Variants in EPHA6 observed in about 807,000 individuals in gnomAD.
EPHA6 encodes the protein EPH receptor A6, also known as ephrin type-A receptor 6.
A neutral mutation model predicts 112.0 loss-of-function variants in EPHA6; 50 were observed. The ratio of observed to expected loss-of-function variants is 0.45; its 90% confidence interval spans 0.36 to 0.56. EPHA6 has a LOEUF of 0.56. Among genes scored for constraint, EPHA6 ranks in the 20% least tolerant of loss-of-function variants. The pLI, the probability that EPHA6 is intolerant of heterozygous loss-of-function variation, is 0.00. For missense variants in EPHA6, 1,280 were observed against 1,417.4 expected (o/e 0.90, Z 1.56); for synonymous variants, 529 against 490.7 (o/e 1.08, Z -1.03).
chr3:97,284,535 A>C (rs2108672361), intron 5 of EPHA6, among the ~76,000 whole-genome samples: 1 of 152,210 alleles, frequency 6.6e-6, no homozygotes. Context: ...GCTTGTTACT[A>C]CCTCTACTCC....
chr3:96,941,814 A>C (rs945524779), intron 2 of EPHA6, among the ~76,000 whole-genome samples: 1 of 152,080 alleles, frequency 6.6e-6, no homozygotes, highest in Non-Finnish European at 1.5e-5. Flanking sequence ...TTTCCTTCCA[A>C]CAGACTGGAC....
At chr3:96,872,516 G>C (rs1245545306) in intron 2 of EPHA6, among the ~76,000 whole-genome samples, 2 of 152,068 alleles carry the variant, frequency 1.3e-5, no homozygotes, top group Non-Finnish European at 2.9e-5. Context: ...TGCAAGGTAA[G>C]TCTGCTGGCA....
chr3:97,426,206 C>G (rs2089108801), intron 6 of EPHA6, among the ~76,000 whole-genome samples: 1 of 152,118 alleles, frequency 6.6e-6, no homozygotes, highest in African/African-American at 2.4e-5. Context: ...AACACATAGC[C>G]AAGACTGGGT....
At chr3:96,866,575 C>A (rs1383280285) in intron 1 of EPHA6, among the ~76,000 whole-genome samples, 1 of 151,622 alleles carries the variant, frequency 6.6e-6, no homozygotes. Flanking sequence ...TTAATAATTT[C>A]ATTTAGCATT....
intron 11 of EPHA6, among the ~76,000 whole-genome samples, chr3:97,563,220 GCTGGAGA>G (rs1225488307): frequency 1.3e-5 from 2 of 152,158 alleles, no homozygotes; most frequent in Admixed American, 6.6e-5. Flanking sequence ...GAAGGTGAGG[GCTGGAGA>G]CTATTTGAAG....
chr3:97,437,133 A>G (rs1026485289), intron 6 of EPHA6, among the ~76,000 whole-genome samples: 39 of 152,048 alleles, frequency 2.6e-4, no homozygotes, highest in African/African-American at 8.7e-4. Flanking sequence ...TCTTTGTCCA[A>G]TGTGGCCAGG....
intron 3 of EPHA6, among the ~76,000 whole-genome samples, chr3:97,120,873 G>A (rs1178990758): frequency 6.6e-6 from 1 of 151,578 alleles, no homozygotes; most frequent in Non-Finnish European, 1.5e-5. Flanking sequence ...ATAAAATAAT[G>A]TTATAGTGTA....
At chr3:97,495,222 T>C (rs2091944855) in intron 10 of EPHA6, among the ~76,000 whole-genome samples, 1 of 151,716 alleles carries the variant, frequency 6.6e-6, no homozygotes, top group African/African-American at 2.4e-5. Context: ...TTGAGTGCAA[T>C]ATTATATTTT....
At chr3:97,522,766 G>A (rs557032385) in intron 10 of EPHA6, among the ~76,000 whole-genome samples, 20 of 151,948 alleles carry the variant, frequency 1.3e-4, no homozygotes, top group Non-Finnish European at 1.3e-4. Flanking sequence ...CTTTGTCCTC[G>A]TAGATTCCAT....
chr3:97,191,438 T>C (rs2077303239), intron 3 of EPHA6, among the ~76,000 whole-genome samples: 1 of 152,072 alleles, frequency 6.6e-6, no homozygotes, highest in Non-Finnish European at 1.5e-5. Flanking sequence ...AATATTTTTC[T>C]ACCCATTAAC....
chr3:97,652,535 T>A (rs2094114250), intron 14 of EPHA6, among the ~76,000 whole-genome samples: 1 of 152,192 alleles, frequency 6.6e-6, no homozygotes, highest in South Asian at 2.1e-4. Flanking sequence ...AGAAGTGAGA[T>A]GAGGAATTTA....
intron 11 of EPHA6, among the ~76,000 whole-genome samples, chr3:97,588,341 C>A (rs1385729841): frequency 1.3e-5 from 2 of 152,104 alleles, no homozygotes. Context: ...GCATGTATTT[C>A]AAATTTCCAA....
Position 97,469,606 on chromosome 3 carries a change from G to A in EPHA6, c.1895-5746G>A, listed in dbSNP as rs114290597. Reference sequence around the variant, plus strand: ...TTGGAGAGAATGAGAAAGAATCTAAGAAATACTTTAAAATTATAAGGGACA... The same window carrying A: ...TTGGAGAGAATGAGAAAGAATCTAAAAAATACTTTAAAATTATAAGGGACA... On this transcript the variant is annotated intron_variant, in intron 7 of 17. Transcript: ENST00000389672. 8.2e-3 allele frequency among the ~76,000 whole-genome samples: 1,243 copies of A among 151,712 alleles called. 14 individuals carry two copies. Among genetic ancestry groups the A allele is most frequent in the African/African-American group, 0.027 (1,106 of 41,424 alleles).
intron 6 of EPHA6, among the ~76,000 whole-genome samples, chr3:97,422,932 G>A (rs1559986843): frequency 6.6e-6 from 1 of 152,108 alleles, no homozygotes; most frequent in African/African-American, 2.4e-5. Flanking sequence ...GTGCAGAAAA[G>A]GCTTTCAGTA....
intron 2 of EPHA6, among the ~76,000 whole-genome samples, chr3:96,954,545 G>A (rs577642734): frequency 2.6e-5 from 4 of 151,976 alleles, no homozygotes; most frequent in East Asian, 1.9e-4. Context: ...CCTCAGTCAG[G>A]TTTCAAATAT....
chr3:97,129,541 A>C (rs1488981230), intron 3 of EPHA6, among the ~76,000 whole-genome samples: 1 of 152,080 alleles, frequency 6.6e-6, no homozygotes, highest in South Asian at 2.1e-4. Flanking sequence ...AACAAAAAAA[A>C]GTACAGTGGT....
At chr3:97,687,942 A>G (rs1434632880) in intron 14 of EPHA6, among the ~76,000 whole-genome samples, 4 of 152,178 alleles carry the variant, frequency 2.6e-5, no homozygotes, top group African/African-American at 7.2e-5. Context: ...CAATGCAAGC[A>G]CGTTAAAGCC....
chr3:97,504,790 G>T (rs2092204408), intron 10 of EPHA6, among the ~76,000 whole-genome samples: 1 of 151,894 alleles, frequency 6.6e-6, no homozygotes, highest in South Asian at 2.1e-4. Context: ...TCATAAAGTT[G>T]AAATTATACC....
intron 5 of EPHA6, among the ~76,000 whole-genome samples, chr3:97,245,179 A>C (rs2108584530): frequency 6.6e-6 from 1 of 152,204 alleles, no homozygotes; most frequent in South Asian, 2.1e-4. Context: ...GTGTGGCTTA[A>C]GCAACAGACA....
Sources: allele counts gnomAD v4.1 joint callset (sites outside exome capture counted in the v4.1 genomes callset), GRCh38; gene constraint gnomAD v4.1.1; transcripts MANE v1.5; gene names NCBI Gene and HGNC (gene_info 2026-07-23, HGNC 2026-07-21).